Variants in RBFOX2 observed in about 807,000 individuals in gnomAD.
The protein encoded by RBFOX2 is RNA binding protein fox-1 homolog 2.
Under a neutral mutation model 49.1 loss-of-function variants are expected in RBFOX2, and 10 were observed. The observed-to-expected ratio is 0.20, with a 90% CI of 0.13 to 0.35. RBFOX2 has a LOEUF of 0.35. Ranked by LOEUF, RBFOX2 falls within the 10% of genes least tolerant of loss-of-function variation. The pLI, the probability that RBFOX2 is intolerant of heterozygous loss-of-function variation, is 1.00. For missense variants in RBFOX2, 323 were observed against 486.9 expected, an observed-to-expected ratio of 0.66 and a Z score of 3.17; for synonymous variants, 183 against 187.4, an observed-to-expected ratio of 0.98 and a Z score of 0.19.
intron 1 of RBFOX2, among the ~76,000 whole-genome samples, chr22:35,850,193 TACACACACACACACACACACACACAC>T (rs58692076): frequency 1.5e-5 from 2 of 132,520 alleles, no homozygotes; most frequent in Non-Finnish European, 1.6e-5. Flanking sequence ...CTCTCTCTCA[TACACACACACACACACACACACACAC>T]ACACACACAC....
intron 1 of RBFOX2, among the ~76,000 whole-genome samples, chr22:35,851,104 TCTC>T (rs1245851110): frequency 6.6e-6 from 1 of 152,170 alleles, no homozygotes; most frequent in Admixed American, 6.5e-5. Flanking sequence ...GTGTAATTCT[TCTC>T]CTTTTACGGT....
chr22:35,747,633 T>C (rs1433998251), intron 9 of RBFOX2: 1 of 152,250 alleles, frequency 6.6e-6, no homozygotes, highest in Non-Finnish European at 1.5e-5. Context: ...CAAACTCTAC[T>C]TTTTATTATT....
chr22:35,918,375 GA>G (rs2149566433), intron 1 of RBFOX2, among the ~76,000 whole-genome samples: 1 of 152,302 alleles, frequency 6.6e-6, no homozygotes, highest in Admixed American at 6.5e-5. Context: ...CTGGCACCCA[GA>G]AGGGCACATT....
At chr22:36,002,953 T>C (rs2058487268) in intron 1 of RBFOX2, among the ~76,000 whole-genome samples, 2 of 152,220 alleles carry the variant, frequency 1.3e-5, no homozygotes, top group South Asian at 2.1e-4. Context: ...AAGCAGCTCC[T>C]ACCTTAGTAA....
intron 9 of RBFOX2, among the ~76,000 whole-genome samples, chr22:35,754,052 C>A (rs1162909821): frequency 6.9e-6 from 1 of 144,058 alleles, no homozygotes; most frequent in African/African-American, 2.6e-5. Context: ...CAAAGTGCTG[C>A]GATTACACAC....
At chr22:35,949,908 T>C (rs2054723886) in intron 1 of RBFOX2, among the ~76,000 whole-genome samples, 1 of 152,182 alleles carries the variant, frequency 6.6e-6, no homozygotes, top group Non-Finnish European at 1.5e-5. Context: ...TAAAAGTTTT[T>C]AATTTTGATA....
chr22:35,781,035 G>A (rs1945059435), intron 3 of RBFOX2, among the ~76,000 whole-genome samples: 1 of 152,106 alleles, frequency 6.6e-6, no homozygotes, highest in Non-Finnish European at 1.5e-5. Flanking sequence ...CAAAGAAGGC[G>A]ACAGGATGAA....
In RBFOX2 at chr22:35,901,154, C is replaced by T. The variant is rs569565159; in HGVS notation, c.-34+37693G>A. Among the ~76,000 whole-genome samples the T allele has an allele frequency of 2.0e-5, 3 of 152,266 alleles. No individual in the cohort carries two copies. In the South Asian group the frequency reaches 6.2e-4, roughly 32 times the overall value. On this transcript the variant is annotated intron_variant, in intron 1 of 13. Transcript: ENST00000359369. ...AGGAAATTGAGGCCCAAAGTGGTTA[C>T]ATAATATACTCATGGTCTCACAGCT...
At chr22:35,875,610 GT>G (rs1569441261) in intron 1 of RBFOX2, among the ~76,000 whole-genome samples, 459 of 14,832 alleles carry the variant, frequency 0.031, 3 homozygotes, top group South Asian at 0.079. Context: ...TCACAAGGGT[GT>G]GTGTGTGTGT....
intron 1 of RBFOX2, among the ~76,000 whole-genome samples, chr22:35,825,636 C>A (rs1044611333): frequency 1.3e-5 from 2 of 152,102 alleles, no homozygotes; most frequent in Non-Finnish European, 2.9e-5. Flanking sequence ...TTCGGTTTTT[C>A]ATCTGCAAAA....
exon 1 of RBFOX2, among the ~76,000 whole-genome samples, chr22:36,028,676 C>A (rs1377516176): frequency 6.7e-6 from 1 of 150,184 alleles, no homozygotes; most frequent in Non-Finnish European, 1.5e-5. Flanking sequence ...TCGTGATGAG[C>A]ACTCGCTCGC....
chr22:35,811,957 A>AG (rs1164277224), intron 1 of RBFOX2, among the ~76,000 whole-genome samples: 5 of 146,116 alleles, frequency 3.4e-5, no homozygotes, highest in Admixed American at 2.7e-4. Context: ...ACGTCTCTTA[A>AG]GGGAAAAAAA....
upstream of RBFOX2, among the ~76,000 whole-genome samples, chr22:35,941,953 G>A (rs765803519): frequency 2.6e-5 from 4 of 152,082 alleles, no homozygotes; most frequent in Non-Finnish European, 4.4e-5. Flanking sequence ...TTAATTTTGC[G>A]TGATTTTGAA....
chr22:35,768,704 TATTA>T (rs1351239178), intron 4 of RBFOX2, among the ~76,000 whole-genome samples: 1 of 152,214 alleles, frequency 6.6e-6, no homozygotes, highest in Non-Finnish European at 1.5e-5. Flanking sequence ...CAATTCATGT[TATTA>T]ATTTAATATA....
At chr22:35,948,032 C>CA (rs1476867670) in intron 1 of RBFOX2, among the ~76,000 whole-genome samples, 1 of 152,226 alleles carries the variant, frequency 6.6e-6, no homozygotes, top group Non-Finnish European at 1.5e-5. Context: ...GCTGCATTCA[C>CA]AAGTGCCCTA....
intron 1 of RBFOX2, among the ~76,000 whole-genome samples, chr22:35,827,132 G>C (rs937884543): frequency 3.3e-5 from 5 of 152,182 alleles, no homozygotes. Flanking sequence ...TAGATAATCT[G>C]ATTATCATTT....
intron 1 of RBFOX2, among the ~76,000 whole-genome samples, chr22:35,836,106 C>T (rs1042543693): frequency 4.6e-5 from 7 of 151,946 alleles, no homozygotes; most frequent in Non-Finnish European, 7.4e-5. Flanking sequence ...GGATAAGGTT[C>T]GAGTGGCAAG....
intron 1 of RBFOX2, among the ~76,000 whole-genome samples, chr22:36,007,685 A>C (rs1421073400): frequency 2.6e-5 from 4 of 152,192 alleles, no homozygotes; most frequent in Non-Finnish European, 4.4e-5. Context: ...TGCTCCTCCG[A>C]GGAGGCAACC....
At chr22:35,888,424 C>T (rs914197577) in intron 1 of RBFOX2, among the ~76,000 whole-genome samples, 2 of 152,178 alleles carry the variant, frequency 1.3e-5, no homozygotes, top group Non-Finnish European at 2.9e-5. Context: ...ATGGTCTAGT[C>T]TACTACATAC....
Sources: gnomAD v4.1 joint callset for allele counts (sites outside exome capture counted in the v4.1 genomes callset) on GRCh38, gnomAD v4.1.1 for gene constraint, MANE v1.5 for transcripts, NCBI Gene and HGNC (gene_info 2026-07-23, HGNC 2026-07-21) for gene names.